PRKCA: variants seen among roughly 807,000 people sequenced by gnomAD.
The protein encoded by PRKCA is protein kinase C alpha type.
A neutral mutation model predicts 87.0 loss-of-function variants in PRKCA; 27 were observed. That is an observed-to-expected ratio of 0.31 (90% confidence interval 0.23 to 0.43). The LOEUF (loss-of-function observed/expected upper bound fraction) is 0.43. Ranked by LOEUF, PRKCA falls within the 20% of genes least tolerant of loss-of-function variation. The pLI, the probability that PRKCA is intolerant of heterozygous loss-of-function variation, is 1.00. For missense variants in PRKCA, 518 were observed against 852.3 expected, an observed-to-expected ratio of 0.61 and a Z score of 4.88; for synonymous variants, 329 against 311.1, an observed-to-expected ratio of 1.06 and a Z score of -0.61.
rs1972654870 is a variant in PRKCA, at chr17:66,687,237, T to G, written c.656T>G (p.Leu219Arg). 6.2e-7 allele frequency: 1 copy of G among 1,613,988 alleles called. No individual in the cohort carries two copies. The highest frequency in any genetic ancestry group is 1.3e-5 in the African/African-American group (1 of 74,920). Residue 219 changes from leucine (L) to arginine (R), a missense_variant, in exon 6 of 17, where the codon CTA becomes CGA. By Grantham distance (102) the Leu-to-Arg change is moderately radical (BLOSUM62 -2). Coordinates refer to ENST00000413366, the MANE Select transcript of PRKCA (RefSeq NM_002737.3). ...KQKTKTIRST[L>R]NPQWNESFTF... ...AAAACCAAAACCATCCGCTCCACACTAAATCCGCAGTGGAATGAGTCCTTT... is the reference window on the plus strand; with the variant it reads ...AAAACCAAAACCATCCGCTCCACACGAAATCCGCAGTGGAATGAGTCCTTT...
At chr17:66,345,190 A>T (rs532778365) in intron 2 of PRKCA, among the ~76,000 whole-genome samples, 95 of 152,330 alleles carry the variant, frequency 6.2e-4, no homozygotes, top group Admixed American at 3.5e-3. Context: ...ACAGGATTAC[A>T]GAATTGTTAT....
chr17:66,796,743 A>G (rs1975678864), intron 16 of PRKCA: 1 of 985,252 alleles, frequency 1.0e-6, no homozygotes, highest in Non-Finnish European at 1.2e-6. Context: ...AACTTAAAAG[A>G]AGACGCTGTG....
chr17:66,361,503 G>T (rs1209040042), intron 2 of PRKCA, among the ~76,000 whole-genome samples: 2 of 151,962 alleles, frequency 1.3e-5, no homozygotes, highest in Non-Finnish European at 2.9e-5. Flanking sequence ...TAGAGATGAG[G>T]TTTCACCATA....
At chr17:66,368,364 G>GTGTATA (rs1908867659) in intron 2 of PRKCA, among the ~76,000 whole-genome samples, 1 of 44,504 alleles carries the variant, frequency 2.2e-5, no homozygotes, top group Non-Finnish European at 3.8e-5. Context: ...GTGTGTATAT[G>GTGTATA]TATATATATA....
At chr17:66,714,073 C>T (rs1973410447) in intron 8 of PRKCA, among the ~76,000 whole-genome samples, 1 of 152,146 alleles carries the variant, frequency 6.6e-6, no homozygotes, top group Non-Finnish European at 1.5e-5. Context: ...TTGACAAAAC[C>T]TCTGTTCACT....
intron 2 of PRKCA, among the ~76,000 whole-genome samples, chr17:66,446,918 A>G (rs1485166672): frequency 1.3e-5 from 2 of 152,194 alleles, no homozygotes; most frequent in Non-Finnish European, 2.9e-5. Flanking sequence ...TCTGAGCATA[A>G]AAACTTCTAG....
intron 16 of PRKCA, among the ~76,000 whole-genome samples, chr17:66,798,434 ACGGTGGTGG>A (rs1975735806): frequency 5.1e-5 from 1 of 19,620 alleles, no homozygotes; most frequent in Non-Finnish European, 9.6e-5. Flanking sequence ...GGTGGTGGTG[ACGGTGGTGG>A]TGGTGGTGAC....
chr17:66,459,716 C>T (rs1358338912), intron 2 of PRKCA, among the ~76,000 whole-genome samples: 1 of 152,164 alleles, frequency 6.6e-6, no homozygotes, highest in Admixed American at 6.5e-5. Context: ...TGTTTATAGA[C>T]CCGACTCCAT....
At chr17:66,421,274 A>G (rs1912474387) in intron 2 of PRKCA, among the ~76,000 whole-genome samples, 1 of 152,088 alleles carries the variant, frequency 6.6e-6, no homozygotes, top group South Asian at 2.1e-4. Context: ...TTGTCATGGG[A>G]GTTCACAGGC....
intron 3 of PRKCA, among the ~76,000 whole-genome samples, chr17:66,606,044 A>C (rs1490104905): frequency 6.6e-6 from 1 of 152,176 alleles, no homozygotes; most frequent in Non-Finnish European, 1.5e-5. Context: ...TGTATACTTT[A>C]AGTAGATGAA....
intron 2 of PRKCA, among the ~76,000 whole-genome samples, chr17:66,330,872 A>G (rs933034449): frequency 6.6e-6 from 1 of 152,240 alleles, no homozygotes; most frequent in Non-Finnish European, 1.5e-5. Context: ...CCCAGTAGGG[A>G]TGAATAAAGC....
At chr17:66,709,605 G>A (rs1201862377) in intron 8 of PRKCA, among the ~76,000 whole-genome samples, 1 of 151,782 alleles carries the variant, frequency 6.6e-6, no homozygotes. Context: ...CACCATGCCC[G>A]GCCTCTTCTG....
chr17:66,607,792 G>A (rs559030396), intron 3 of PRKCA, among the ~76,000 whole-genome samples: 1 of 152,202 alleles, frequency 6.6e-6, no homozygotes. Context: ...GATGCCTGTA[G>A]GATCAACCAG....
In PRKCA at chr17:66,681,893, G is replaced by A. The variant is rs138252866; in HGVS notation, c.530-5218G>A. Among the ~76,000 whole-genome samples the A allele has an allele frequency of 9.8e-4, 150 of 152,292 alleles. 1 individual carries two copies. In the Middle Eastern group the frequency reaches 0.017, roughly 17 times the overall value. On this transcript the variant is annotated intron_variant, in intron 5 of 16. Coordinates refer to ENST00000413366, the MANE Select transcript of PRKCA (RefSeq NM_002737.3). ...TTGCTTCTCTCAGGGAAAGCATAGC[G>A]GTCACTCCCGCCTGGCTTCCTGTCT...
At chr17:66,589,301 T>A (rs963041169) in intron 3 of PRKCA, among the ~76,000 whole-genome samples, 1 of 152,144 alleles carries the variant, frequency 6.6e-6, no homozygotes, top group African/African-American at 2.4e-5. Flanking sequence ...TTAAACTTTT[T>A]CTAATACATA....
At position 66,804,023 on chromosome 17, in the gene PRKCA, C is replaced by T; in HGVS notation, c.2005C>T (p.Gln669Ter). Residue 669 changes from glutamine to a stop codon, truncating the protein, a stop_gained, in exon 17 of 17, where the codon CAG becomes TAG. Transcript: ENST00000413366. LOFTEE classifies it high-confidence loss of function. Reference protein sequence around the residue: ...VNPQFVHPILQSAV With the variant: ...VNPQFVHPIL ...CCCCCAGTTTGTGCACCCCATCTTA[C>T]AGAGTGCAGTATGAAACTCACCAGC... 1 of 1,612,868 alleles carries T rather than the reference C, an allele frequency of 6.2e-7. No individual in the cohort carries two copies. The highest frequency in any genetic ancestry group is 1.1e-5 in the South Asian group (1 of 91,056).
chr17:66,358,209 G>A (rs962870832), intron 2 of PRKCA, among the ~76,000 whole-genome samples: 15 of 151,702 alleles, frequency 9.9e-5, no homozygotes, highest in African/African-American at 2.9e-4. Flanking sequence ...GGGATTTGAC[G>A]CACTGAGGTT....
chr17:66,333,491 A>G (rs964510806), intron 2 of PRKCA, among the ~76,000 whole-genome samples: 1 of 152,204 alleles, frequency 6.6e-6, no homozygotes, highest in Non-Finnish European at 1.5e-5. Flanking sequence ...ACATGTTTGT[A>G]TGCTCACTCA....
rs1975799913 is a variant in PRKCA at position 66,799,137 on chromosome 17, TGGTGGTGAC to T, written c.1855-4728_1855-4720del. ...ACGGTGGTGGTGGTGGTGGTGGTGG[TGGTGGTGAC>T]GGTGGTGGTGGTGGTGGTGGTGGTG... On this transcript the variant is annotated intron_variant, in intron 16 of 16. Transcript: ENST00000413366. 1.7e-5 allele frequency among the ~76,000 whole-genome samples: 2 copies of T among 118,428 alleles called. 1 individual carries two copies. Among genetic ancestry groups the T allele is most frequent in the Non-Finnish European group, 3.4e-5 (2 of 58,632 alleles). 77.7% of individuals were successfully genotyped at this position (118,428 alleles called of 152,430 possible). A position where few individuals can be genotyped will look rare whatever the true frequency, so the allele number is the denominator to read the frequency against.
Sources: gnomAD v4.1 joint callset for allele counts (sites outside exome capture counted in the v4.1 genomes callset) on GRCh38, gnomAD v4.1.1 for gene constraint, MANE v1.5 for transcripts, NCBI Gene and HGNC (gene_info 2026-07-23, HGNC 2026-07-21) for gene names.